The following SIRT5 variants were observed in gnomAD, a reference collection of about 807,000 sequenced individuals.
SIRT5 encodes the protein sirtuin 5, also known as NAD-dependent protein deacylase sirtuin-5, mitochondrial.
A neutral mutation model predicts 40.0 loss-of-function variants in SIRT5; 26 were observed. The observed-to-expected ratio is 0.65, with a 90% confidence interval of 0.48 to 0.90. The LOEUF (loss-of-function observed/expected upper bound fraction) is 0.90. Among genes scored for constraint, SIRT5 ranks in the 40% least tolerant of loss-of-function variants. SIRT5 has a pLI of 0.00. For synonymous variants in SIRT5, 146 were observed against 149.1 expected (o/e 0.98, Z 0.15); for missense variants, 401 against 402.4 (o/e 1.00, Z 0.03).
intron 7 of SIRT5, among the ~76,000 whole-genome samples, chr6:13,597,316 AG>A (rs1334582433): frequency 6.6e-6 from 1 of 151,818 alleles, no homozygotes; most frequent in Non-Finnish European, 1.5e-5. Flanking sequence ...CAGAAAGCAT[AG>A]GGGCTGACCT....
rs900431165 is a variant in SIRT5, at chr6:13,605,328, G to A, written c.857+4379G>A. On this transcript the variant is annotated intron_variant, in intron 9 of 9. Coordinates refer to ENST00000606117, the MANE Select transcript of SIRT5 (RefSeq NM_012241.5). ...AGGTGAATAGTTGCAACAGAGACTG[G>A]CTGGTCTGCAAAGCCTAAAATATGT... The A allele has an allele frequency of 5.6e-6, 5 of 897,964 alleles. No homozygotes were observed. In the African/African-American group the frequency reaches 9.0e-5, roughly 16 times the overall value. The allele number at this position is 897,964 out of a possible 1,614,324, so 55.6% of individuals were successfully genotyped here. A position where few individuals can be genotyped will look rare whatever the true frequency, so the allele number is the denominator to read the frequency against.
At chr6:13,587,370 C>CAGAG (rs904462306) in intron 3 of SIRT5, among the ~76,000 whole-genome samples, 1 of 152,238 alleles carries the variant, frequency 6.6e-6, no homozygotes, top group Non-Finnish European at 1.5e-5. Flanking sequence ...GAAGCAGAAA[C>CAGAG]AAGCTGTGTC....
chr6:13,590,747 G>A (rs549636043), intron 4 of SIRT5, among the ~76,000 whole-genome samples: 1 of 151,604 alleles, frequency 6.6e-6, no homozygotes, highest in African/African-American at 2.4e-5. Flanking sequence ...TTGTGTGTAT[G>A]TACAGTTGTG....
chr6:13,595,232 A>C (rs1279920021), intron 5 of SIRT5, among the ~76,000 whole-genome samples: 1 of 152,218 alleles, frequency 6.6e-6, no homozygotes, highest in African/African-American at 2.4e-5. Context: ...AGTATGGCTC[A>C]GTGTGGCGGT....
intron 2 of SIRT5, among the ~76,000 whole-genome samples, chr6:13,582,589 T>C (rs1235912381): frequency 1.5e-5 from 2 of 130,952 alleles, no homozygotes; most frequent in Middle Eastern, 4.7e-3. Flanking sequence ...TCGAGATATA[T>C]AACAATACCA....
chr6:13,580,422 G>C (rs1759192556), intron 2 of SIRT5, among the ~76,000 whole-genome samples: 1 of 152,062 alleles, frequency 6.6e-6, no homozygotes, highest in South Asian at 2.1e-4. Flanking sequence ...ATTTTACGTT[G>C]CTCTAAAAAT....
intron 5 of SIRT5, among the ~76,000 whole-genome samples, chr6:13,594,729 G>A (rs1761358222): frequency 6.6e-6 from 1 of 152,230 alleles, no homozygotes; most frequent in African/African-American, 2.4e-5. Context: ...AGGACTGGTG[G>A]GCAGGACGGA....
chr6:13,580,709 C>G (rs968541859), intron 2 of SIRT5, among the ~76,000 whole-genome samples: 1 of 152,108 alleles, frequency 6.6e-6, no homozygotes, highest in Non-Finnish European at 1.5e-5. Context: ...TCTCACTCAC[C>G]CAGGCAGGGA....
chr6:13,575,435 A>G (rs1758485850), intron 1 of SIRT5, among the ~76,000 whole-genome samples: 1 of 152,088 alleles, frequency 6.6e-6, no homozygotes, highest in African/African-American at 2.4e-5. Context: ...TATTGCATTT[A>G]TTTAGCTCTT....
At chr6:13,609,434 T>C (rs1763552886) in intron 9 of SIRT5, among the ~76,000 whole-genome samples, 1 of 152,296 alleles carries the variant, frequency 6.6e-6, no homozygotes, top group East Asian at 1.9e-4. Flanking sequence ...CTCAAGCAAC[T>C]AGCAGGGCTG....
intron 1 of SIRT5, among the ~76,000 whole-genome samples, chr6:13,579,176 T>C (rs1326192491): frequency 3.3e-5 from 5 of 152,258 alleles, no homozygotes; most frequent in Admixed American, 6.5e-5. Flanking sequence ...GCACAAAGGA[T>C]GTTTTCAATA....
Position 13,596,980 on chromosome 6 carries a change from C to T in SIRT5, c.581C>T (p.Thr194Ile). 6.2e-7 allele frequency: 1 copy of T among 1,611,998 alleles called. No individual in the cohort carries two copies. Among genetic ancestry groups the T allele is most frequent in the Non-Finnish European group, 8.5e-7 (1 of 1,179,418 alleles). Residue 194 changes from threonine (T) to isoleucine (I), a missense_variant, in exon 7 of 10, where the codon ACT becomes ATT. Physicochemically the swap from Thr to Ile is moderately conservative, Grantham distance 89. Transcript: ENST00000606117. ...TACTTCAGTGCTCCAGAACCTGGAA[C>T]TCAAGATGCCAGCATCCCAGTTGAG... ...LSGKGAPEPG[T>I]QDASIPVEKL...
At chr6:13,593,556 A>G (rs184157903) in intron 5 of SIRT5, among the ~76,000 whole-genome samples, 265 of 152,284 alleles carry the variant, frequency 1.7e-3, no homozygotes, top group African/African-American at 6.0e-3. Context: ...AAGATCATAT[A>G]TGTGTGTTAG....
chr6:13,581,526 G>A (rs1759343539), intron 2 of SIRT5, among the ~76,000 whole-genome samples: 1 of 152,164 alleles, frequency 6.6e-6, no homozygotes, highest in Non-Finnish European at 1.5e-5. Context: ...GGTGGTAGCT[G>A]CCAGCTTTTC....
In SIRT5 at chr6:13,611,819, C is replaced by G; in HGVS notation, c.887C>G (p.Thr296Ser). The change falls in exon 10 of 10, where the codon ACT (threonine) becomes AGT (serine). Residue 296 changes from threonine to serine, a missense_variant. Coordinates refer to ENST00000606117, the MANE Select transcript of SIRT5 (RefSeq NM_012241.5). ...RFHFQGPCGTTLPEALACHEN... is the reference protein window; with the variant it reads ...RFHFQGPCGTSLPEALACHEN... ...CATTTCCAGGGACCCTGTGGAACGA[C>G]TCTTCCTGAAGCCCTTGCCTGTCAT... The G allele has an allele frequency of 3.1e-6, 5 of 1,613,986 alleles. No individual in the cohort carries two copies. The highest frequency in any genetic ancestry group is 4.2e-6 in the Non-Finnish European group (5 of 1,179,878).
At chr6:13,590,337 AAGG>A (rs1760689281) in intron 4 of SIRT5, among the ~76,000 whole-genome samples, 1 of 152,132 alleles carries the variant, frequency 6.6e-6, no homozygotes, top group Non-Finnish European at 1.5e-5. Flanking sequence ...CTTTACCAGA[AAGG>A]AGGTTTGTTT....
At chr6:13,603,208 T>C (rs1253800025) in intron 9 of SIRT5, among the ~76,000 whole-genome samples, 1 of 132,334 alleles carries the variant, frequency 7.6e-6, no homozygotes, top group African/African-American at 2.9e-5. Context: ...ACCCGGGAGG[T>C]GGAGCTTGCA....
chr6:13,611,408 C>G (rs995535257), intron 9 of SIRT5, among the ~76,000 whole-genome samples: 1 of 151,236 alleles, frequency 6.6e-6, no homozygotes, highest in Non-Finnish European at 1.5e-5. Context: ...TTTATACTTA[C>G]AATTTCAATG....
chr6:13,608,766 CA>C (rs1263757662), intron 9 of SIRT5, among the ~76,000 whole-genome samples: 8 of 150,994 alleles, frequency 5.3e-5, no homozygotes, highest in African/African-American at 1.9e-4. Context: ...ATTGTAAAAA[CA>C]AAAAATACAT....
Sources: gnomAD v4.1 joint callset for allele counts (sites outside exome capture counted in the v4.1 genomes callset) on GRCh38, gnomAD v4.1.1 for gene constraint, MANE v1.5 for transcripts, NCBI Gene and HGNC (gene_info 2026-07-23, HGNC 2026-07-21) for gene names.